Variants in NFRKB observed in about 807,000 individuals in gnomAD.
NFRKB encodes the protein nuclear factor related to kappa-B-binding protein.
In NFRKB, 62 loss-of-function variants were observed where a neutral mutation model predicts 135.7. The ratio of observed to expected loss-of-function variants is 0.46; its 90% CI spans 0.37 to 0.56. The LOEUF is 0.56. Among genes scored for constraint, NFRKB ranks in the 20% least tolerant of loss-of-function variants. The pLI is 0.00. For synonymous variants in NFRKB, 678 were observed against 635.6 expected (o/e 1.07, Z -1.00); for missense variants, 1,545 against 1,662.0 (o/e 0.93, Z 1.22).
rs1949684415 is a variant in NFRKB, at chr11:129,894,396, G to C, written c.-59C>G. ...CAATTTCCTTATTTGAGGAAGGGAAGCTGGACCAGGTCCTCCCTCCCGTTA... is the reference window on the plus strand; with the variant it reads ...CAATTTCCTTATTTGAGGAAGGGAACCTGGACCAGGTCCTCCCTCCCGTTA... On this transcript the variant is annotated 5_prime_UTR_variant, in exon 2 of 27. Coordinates refer to ENST00000682444, the MANE Select transcript of NFRKB (RefSeq NM_001143835.2). 6.6e-6 allele frequency: 1 copy of C among 152,218 alleles called. No homozygotes were observed. 9.4% of individuals were successfully genotyped at this position (152,218 alleles called of 1,614,324 possible).
intron 5 of NFRKB, 88 bp downstream of exon 5, chr11:129,886,221 TCGTGGCAA>T: frequency 7.0e-7 from 1 of 1,422,454 alleles, no homozygotes; most frequent in South Asian, 1.4e-5. Context: ...ATTTTTTTCT[TCGTGGCAA>T]TTTTTGTGTT....
intron 24 of NFRKB, 22 bp from the exon 25 acceptor site, chr11:129,866,005 GT>G: frequency 6.4e-7 from 1 of 1,573,696 alleles, no homozygotes; most frequent in Non-Finnish European, 8.6e-7. Flanking sequence ...AAGCAGTCAG[GT>G]TTTGTAAGAC....
chr11:129,868,656 T>A (rs1162303804), intron 24 of NFRKB, among the ~76,000 whole-genome samples: 1 of 152,230 alleles, frequency 6.6e-6, no homozygotes, highest in East Asian at 1.9e-4. Context: ...GAGCCCCTTC[T>A]ACCGGTTACT....
chr11:129,891,729 A>G (rs1949567978), intron 3 of NFRKB, among the ~76,000 whole-genome samples: 1 of 152,232 alleles, frequency 6.6e-6, no homozygotes, highest in East Asian at 1.9e-4. Context: ...TCAAATTATT[A>G]ATGTAAACCA....
At chr11:129,869,422 G>A (rs1274738648) in intron 24 of NFRKB, 72 bp downstream of exon 24, 22 of 1,475,240 alleles carry the variant, frequency 1.5e-5, no homozygotes, top group African/African-American at 2.8e-5. Flanking sequence ...GGAGTTTCTC[G>A]GGTAATGGGC....
chr11:129,878,564 T>G (rs749210348), intron 13 of NFRKB, 21 bp from the exon 14 acceptor site: 187 of 1,591,466 alleles, frequency 1.2e-4, no homozygotes, highest in Non-Finnish European at 1.5e-4. Flanking sequence ...AATAAAGAGA[T>G]AAAAAAATAA....
At chr11:129,872,736 G>A in intron 23 of NFRKB, 148 bp downstream of exon 23, 5 of 733,610 alleles carry the variant, frequency 6.8e-6, no homozygotes, top group Non-Finnish European at 8.8e-6. Flanking sequence ...CCTTTGGTGG[G>A]AACTCACACC....
intron 3 of NFRKB, among the ~76,000 whole-genome samples, chr11:129,891,580 C>A (rs1243626136): frequency 1.3e-5 from 2 of 152,194 alleles, no homozygotes; most frequent in African/African-American, 2.4e-5. Flanking sequence ...GTCACCAGGA[C>A]TTAAGGCCCT....
At chr11:129,892,928 T>G (rs199714298) in intron 2 of NFRKB, 58 bp from the exon 3 acceptor site, 240 of 1,609,316 alleles carry the variant, frequency 1.5e-4, no homozygotes, top group Middle Eastern at 8.3e-4. Context: ...ATCTAGTTGA[T>G]GCTAACACTC....
chr11:129,871,719 G>A (rs111351532), intron 23 of NFRKB, among the ~76,000 whole-genome samples: 21 of 152,160 alleles, frequency 1.4e-4, no homozygotes, highest in African/African-American at 4.8e-4. Flanking sequence ...CTGGACGACT[G>A]CCACTGCCTC....
intron 1 of NFRKB, among the ~76,000 whole-genome samples, chr11:129,894,909 A>G (rs1403406425): frequency 2.6e-5 from 4 of 152,260 alleles, no homozygotes; most frequent in Non-Finnish European, 5.9e-5. Context: ...AGGTCTCTAT[A>G]CAACTTGCTC....
At chr11:129,864,892 G>C (rs200370205) in intron 26 of NFRKB, 42 bp from the exon 27 acceptor site, 1 of 1,613,890 alleles carries the variant, frequency 6.2e-7, no homozygotes, top group African/African-American at 1.3e-5. Flanking sequence ...GATTGCAAGC[G>C]GGCTCACCAG....
chr11:129,869,794 C>T lies in NFRKB; in HGVS notation c.3231G>A (p.Val1077=). The T allele has an allele frequency of 6.2e-7, 1 of 1,614,242 alleles. No homozygotes were observed. Residue 1077 remains valine (V), a synonymous_variant, in exon 24 of 27, where the codon GTG becomes GTA. Transcript: ENST00000682444. Reference sequence around the variant, plus strand: ...CAGCTGGTTTTGCTTCTGAAGAGGCCACTGTGCTTTTTCCCTTCTGGTCAG... The same window carrying T: ...CAGCTGGTTTTGCTTCTGAAGAGGCTACTGTGCTTTTTCCCTTCTGGTCAG... ...SVADQKGKST[V]ASSEAKPAAT...
intron 23 of NFRKB, among the ~76,000 whole-genome samples, chr11:129,871,989 T>C (rs1464680771): frequency 1.3e-5 from 2 of 152,234 alleles, no homozygotes; most frequent in Non-Finnish European, 2.9e-5. Flanking sequence ...ATCATATTCC[T>C]GACACAAAAC....
rs1275431631 is a variant in NFRKB at position 129,885,523 on chromosome 11, C to G, written c.552G>C (p.Arg184=). The change falls in exon 6 of 27, where the codon CGG becomes CGC. Residue 184 remains arginine (R), a synonymous_variant. Transcript: ENST00000682444. ...AGTAGCGCTGCTGGGTCCGCCACTC[C>G]CGCTCCTCAGGTGTGCGGGATGGTG... ...RPSPSRTPEE[R]EWRTQQRYLK... The G allele has an allele frequency of 1.2e-6, 2 of 1,614,050 alleles. No homozygotes were observed. The highest frequency in any genetic ancestry group is 1.3e-5 in the African/African-American group (1 of 74,920).
intron 24 of NFRKB, among the ~76,000 whole-genome samples, chr11:129,868,794 C>A (rs1445332517): frequency 1.3e-5 from 2 of 152,038 alleles, no homozygotes; most frequent in Admixed American, 1.3e-4. Flanking sequence ...TTTGGCAGGC[C>A]GAGGCGGGAG....
chr11:129,869,787 A>G lies in NFRKB; in HGVS notation c.3238T>C (p.Ser1080Pro). 6.2e-7 allele frequency: 1 copy of G among 1,614,226 alleles called. No individual in the cohort carries two copies. The part of the protein sequence containing the change: ...DQKGKSTVAS[S>P]EAKPAATIRI... ...ATCGTGGCAGCTGGTTTTGCTTCTG[A>G]AGAGGCCACTGTGCTTTTTCCCTTC... The change falls in exon 24 of 27, where the codon TCA becomes CCA. Residue 1080 changes from serine to proline, a missense_variant. Transcript: ENST00000682444.
chr11:129,867,290 T>G (rs917237769), intron 24 of NFRKB, among the ~76,000 whole-genome samples: 4 of 151,858 alleles, frequency 2.6e-5, no homozygotes. Context: ...CTTCCTTATT[T>G]CAACTTCTAT....
In NFRKB at chr11:129,864,610, C is replaced by G. The variant is rs1360873438; in HGVS notation, c.*115G>C. 2 of 1,462,912 alleles carry G rather than the reference C, an allele frequency of 1.4e-6. No individual in the cohort carries two copies. The highest frequency in any genetic ancestry group is 3.6e-5 in the Admixed American group (2 of 55,458). 90.6% of individuals were successfully genotyped at this position (1,462,912 alleles called of 1,614,324 possible). ...AATCCAGGCCACCGTTGCCATCACCCCTCGCCTGGCTGCCTTGAACAGGCA... is the reference window on the plus strand; with the variant it reads ...AATCCAGGCCACCGTTGCCATCACCGCTCGCCTGGCTGCCTTGAACAGGCA... On this transcript the variant is annotated 3_prime_UTR_variant, in exon 27 of 27. Coordinates refer to ENST00000682444, the MANE Select transcript of NFRKB (RefSeq NM_001143835.2).
Sources: allele counts gnomAD v4.1 joint callset (sites outside exome capture counted in the v4.1 genomes callset), GRCh38; gene constraint gnomAD v4.1.1; transcripts MANE v1.5; gene names NCBI Gene and HGNC (gene_info 2026-07-23, HGNC 2026-07-21).